The following CNTLN variants were observed in gnomAD, a reference collection of about 807,000 sequenced individuals.
The protein encoded by CNTLN is centlein.
A neutral mutation model predicts 180.0 loss-of-function variants in CNTLN; 212 were observed. That is an observed-to-expected ratio of 1.18 (90% CI 1.05 to 1.32). CNTLN has a LOEUF of 1.32. CNTLN is among the 40% of genes most tolerant of loss of function. CNTLN has a pLI of 0.00. For synonymous variants in CNTLN, 722 were observed against 563.1 expected (o/e 1.28, Z -3.99); for missense variants, 2,095 against 1,610.9 (o/e 1.30, Z -5.14).
chr9:17,290,829 C>T (rs894759357), intron 6 of CNTLN, among the ~76,000 whole-genome samples: 7 of 152,340 alleles, frequency 4.6e-5, no homozygotes, highest in African/African-American at 7.2e-5. Flanking sequence ...TGATCCCTCG[C>T]GCTTCCCAGG....
intron 2 of CNTLN, among the ~76,000 whole-genome samples, chr9:17,203,460 G>A (rs1822691933): frequency 6.6e-6 from 1 of 152,042 alleles, no homozygotes; most frequent in South Asian, 2.1e-4. Context: ...GTCACTTTAC[G>A]GTACACCAAT....
In CNTLN at chr9:17,332,630, C is replaced by A; in HGVS notation, c.1544C>A (p.Ser515Tyr). 6.2e-7 allele frequency: 1 copy of A among 1,608,482 alleles called. No individual in the cohort carries two copies. The highest frequency in any genetic ancestry group is 8.5e-7 in the Non-Finnish European group (1 of 1,177,514). ...HKEPPVKRSR[S>Y]LSPKSSFTDS... ...GAACCACCTGTGAAACGTTCAAGGT[C>A]TTTGTCCCCAAAGAGCTCTTTCACA... is the stretch of plus-strand genomic sequence containing the variant. The change falls in exon 10 of 26, where the codon TCT (serine) becomes TAT (tyrosine). Residue 515 changes from serine (S) to tyrosine (Y), a missense_variant. Ser to Tyr is a moderately radical substitution (Grantham distance 144). Coordinates refer to ENST00000380647, the MANE Select transcript of CNTLN (RefSeq NM_017738.4).
chr9:17,267,801 A>G (rs1038598552), intron 5 of CNTLN, among the ~76,000 whole-genome samples: 11 of 151,908 alleles, frequency 7.2e-5, no homozygotes, highest in South Asian at 2.1e-4. Flanking sequence ...ATCTTCCATC[A>G]CTGATACCCT....
At chr9:17,374,030 G>A (rs532986050) in intron 13 of CNTLN, among the ~76,000 whole-genome samples, 134 of 152,268 alleles carry the variant, frequency 8.8e-4, no homozygotes, top group Admixed American at 5.1e-3. Context: ...AAACATTGGG[G>A]AAAGTGTCCA....
chr9:17,331,333 T>G (rs186878412), intron 9 of CNTLN, among the ~76,000 whole-genome samples: 1 of 146,952 alleles, frequency 6.8e-6, no homozygotes, highest in Non-Finnish European at 1.5e-5. Context: ...ATAAGCAAAT[T>G]TTACATGTTT....
At position 17,243,275 on chromosome 9, in the gene CNTLN, G is replaced by T. The variant is rs146421466; in HGVS notation, c.849+6687G>T. Among the ~76,000 whole-genome samples, 37 of 152,096 alleles carry T rather than the reference G, an allele frequency of 2.4e-4. 1 individual carries two copies. In the East Asian group the frequency reaches 6.8e-3, roughly 28 times the overall value. On this transcript the variant is annotated intron_variant, in intron 5 of 25. Coordinates refer to ENST00000380647, the MANE Select transcript of CNTLN (RefSeq NM_017738.4). The stretch of plus-strand genomic sequence containing the variant: ...CTTAGTTTATCTTTCAAAAAACCCA[G>T]TTTCTTTTCATTGTTCTTTTGTATT...
intron 25 of CNTLN, among the ~76,000 whole-genome samples, chr9:17,500,670 T>C (rs1345894432): frequency 6.6e-6 from 1 of 152,200 alleles, no homozygotes; most frequent in Admixed American, 6.5e-5. Flanking sequence ...GTTTCCCAAA[T>C]GTATTTGATT....
intron 12 of CNTLN, among the ~76,000 whole-genome samples, chr9:17,348,723 G>A (rs926497726): frequency 1.2e-4 from 18 of 152,062 alleles, no homozygotes; most frequent in African/African-American, 4.1e-4. Flanking sequence ...TAGAGATGGG[G>A]TTTCACCATG....
chr9:17,340,183 A>G (rs1363639317), intron 10 of CNTLN, among the ~76,000 whole-genome samples: 4 of 152,130 alleles, frequency 2.6e-5, no homozygotes, highest in East Asian at 1.9e-4. Flanking sequence ...GTAGTTGACT[A>G]TAATTGTCTA....
At chr9:17,343,584 A>G (rs186794902) in intron 12 of CNTLN, among the ~76,000 whole-genome samples, 9 of 152,318 alleles carry the variant, frequency 5.9e-5, no homozygotes, top group Admixed American at 3.3e-4. Flanking sequence ...ATTTGATGCT[A>G]TAATGAAGGC....
chr9:17,425,330 TAA>T (rs1829005979), intron 18 of CNTLN, among the ~76,000 whole-genome samples: 2 of 152,148 alleles, frequency 1.3e-5, no homozygotes, highest in African/African-American at 4.8e-5. Context: ...ATAATAATAA[TAA>T]GAGACACCCG....
intron 8 of CNTLN, among the ~76,000 whole-genome samples, chr9:17,320,289 AT>A (rs1257169277): frequency 6.6e-6 from 1 of 152,168 alleles, no homozygotes; most frequent in Non-Finnish European, 1.5e-5. Flanking sequence ...TTATTACAAA[AT>A]ATTTGCAACC....
chr9:17,346,491 T>C (rs1821909406), intron 12 of CNTLN, among the ~76,000 whole-genome samples: 1 of 152,226 alleles, frequency 6.6e-6, no homozygotes, highest in Non-Finnish European at 1.5e-5. Context: ...AATGGTATTT[T>C]CACCATATGT....
chr9:17,416,649 C>CTATTTTAATGTATTCCAGCCGCGGGG, intron 18 of CNTLN, among the ~76,000 whole-genome samples: 1 of 152,096 alleles, frequency 6.6e-6, no homozygotes, highest in East Asian at 1.9e-4. Context: ...ATGTAAGTAT[C>CTATTTTAATGTATTCCAGCCGCGGGG]TATTTTAATG....
intron 25 of CNTLN, among the ~76,000 whole-genome samples, chr9:17,497,884 A>G (rs1833541658): frequency 6.6e-6 from 1 of 152,198 alleles, no homozygotes; most frequent in Non-Finnish European, 1.5e-5. Context: ...GTGTGCTTGT[A>G]TGTATATATA....
Position 17,235,691 on chromosome 9 carries a change from C to G in CNTLN, c.568C>G (p.Leu190Val). The G allele has an allele frequency of 1.9e-6, 3 of 1,605,560 alleles. No homozygotes were observed. Among genetic ancestry groups the G allele is most frequent in the South Asian group, 1.1e-5 (1 of 89,616 alleles). ...AGTACTGAAACAGGAAATAAATGAC[C>G]TTGTAAAACGGAAAATTGCAGTAGA... The part of the protein sequence containing the change: ...ESVLKQEIND[L>V]VKRKIAVDEE... The change falls in exon 4 of 26, where the codon CTT (leucine) becomes GTT (valine). Residue 190 changes from leucine (L) to valine (V), a missense_variant. Transcript: ENST00000380647.
At chr9:17,223,893 T>C (rs993799978) in intron 2 of CNTLN, among the ~76,000 whole-genome samples, 1 of 152,018 alleles carries the variant, frequency 6.6e-6, no homozygotes, top group Non-Finnish European at 1.5e-5. Context: ...TATAAATGTG[T>C]GTACTTCCGT....
intron 6 of CNTLN, among the ~76,000 whole-genome samples, chr9:17,295,449 G>C (rs920151353): frequency 1.3e-5 from 2 of 152,154 alleles, no homozygotes; most frequent in Admixed American, 1.3e-4. Flanking sequence ...GCATTACTCT[G>C]TGTGGCTCCC....
intron 7 of CNTLN, among the ~76,000 whole-genome samples, chr9:17,308,466 C>A (rs1032360812): frequency 1.3e-5 from 2 of 152,032 alleles, no homozygotes; most frequent in African/African-American, 4.8e-5. Context: ...GCAGTAGATA[C>A]TAAATTATAC....
Sources: allele counts gnomAD v4.1 joint callset (sites outside exome capture counted in the v4.1 genomes callset), GRCh38; gene constraint gnomAD v4.1.1; transcripts MANE v1.5; gene names NCBI Gene and HGNC (gene_info 2026-07-23, HGNC 2026-07-21).